The following VAV1 variants were observed in gnomAD, a reference collection of about 807,000 sequenced individuals.
VAV1 encodes vav guanine nucleotide exchange factor 1.
A neutral mutation model predicts 128.1 loss-of-function variants in VAV1; 33 were observed. That is an observed-to-expected ratio of 0.26 (90% CI 0.20 to 0.34). The LOEUF is 0.34. Among genes scored for constraint, VAV1 ranks in the 10% least tolerant of loss-of-function variants. VAV1 has a pLI of 1.00. For missense variants in VAV1, 715 were observed against 1,093.7 expected (o/e 0.65, Z 4.88); for synonymous variants, 394 against 409.8 (o/e 0.96, Z 0.47).
intron 19 of VAV1, 54 bp from the exon 20 acceptor site, chr19:6,836,378 C>A: frequency 6.4e-7 from 1 of 1,569,776 alleles, no homozygotes; most frequent in South Asian, 1.2e-5. Flanking sequence ...TGGCAAGATT[C>A]AGGGTTGAAA....
At chr19:6,829,656 G>A in intron 13 of VAV1, 130 bp from the exon 14 acceptor site, 1 of 1,372,000 alleles carries the variant, frequency 7.3e-7, no homozygotes. Context: ...GGATGGACAG[G>A]TGGGCATGGC....
Position 6,836,541 on chromosome 19 carries a change from G to A in VAV1, c.1887G>A (p.Lys629=), listed in dbSNP as rs1972225777. 1 of 1,614,076 alleles carries A rather than the reference G, an allele frequency of 6.2e-7. No homozygotes were observed. Among genetic ancestry groups the A allele is most frequent in the Admixed American group, 1.7e-5 (1 of 59,994 alleles). The change falls in exon 20 of 27, where the codon AAG becomes AAA. Residue 629 remains lysine (K), a synonymous_variant. Transcript: ENST00000602142. ...CTGGAGACATTGTGGAGCTCACGAA[G>A]GCTGAGGCTGAACAGAACTGGTGGG... ...LNPGDIVELT[K]AEAEQNWWEG... is the part of the protein sequence containing the mutation.
chr19:6,782,689 G>T (rs1481268137), intron 1 of VAV1, among the ~76,000 whole-genome samples: 2 of 152,066 alleles, frequency 1.3e-5, no homozygotes, highest in Non-Finnish European at 2.9e-5. Context: ...AGACTAGCTT[G>T]GGCAACATAC....
chr19:6,781,855 G>A (rs1228555273), intron 1 of VAV1, among the ~76,000 whole-genome samples: 6 of 151,894 alleles, frequency 4.0e-5, no homozygotes, highest in Admixed American at 2.6e-4. Flanking sequence ...TGATCCACCC[G>A]TCTTGGCCTC....
At chr19:6,783,045 T>C (rs8103617) in intron 1 of VAV1, among the ~76,000 whole-genome samples, 3,646 of 152,098 alleles carry the variant, frequency 0.024, 154 homozygotes, top group African/African-American at 0.082. Context: ...CCAGGCGTGG[T>C]GGTGTATGCC....
chr19:6,793,661 G>A (rs998393511), intron 1 of VAV1, among the ~76,000 whole-genome samples: 2 of 152,116 alleles, frequency 1.3e-5, no homozygotes, highest in Non-Finnish European at 2.9e-5. Context: ...ATAACATCAA[G>A]TTTGCTTTGA....
chr19:6,831,783 A>C (rs1972060847), intron 14 of VAV1, among the ~76,000 whole-genome samples: 2 of 152,028 alleles, frequency 1.3e-5, no homozygotes, highest in Admixed American at 1.3e-4. Context: ...GTGCTGCACC[A>C]ATGCTTTGTT....
chr19:6,805,021 G>A (rs1022720738), intron 1 of VAV1, among the ~76,000 whole-genome samples: 1 of 151,126 alleles, frequency 6.6e-6, no homozygotes. Context: ...GTGAGCCACC[G>A]CCCCCCGGCC....
At chr19:6,784,362 G>T in intron 1 of VAV1, 1 of 421,906 alleles carries the variant, frequency 2.4e-6, no homozygotes. Flanking sequence ...AGGGAGCTGG[G>T]TGATAGCAAC....
intron 1 of VAV1, among the ~76,000 whole-genome samples, chr19:6,802,781 C>T (rs1052701479): frequency 6.6e-6 from 1 of 152,190 alleles, no homozygotes. Context: ...ATCTGGTTCT[C>T]CATTCCTATC....
chr19:6,777,710 CG>C lies in VAV1; in HGVS notation c.204+4701del, dbSNP rs1203817757. Among the ~76,000 whole-genome samples, 6 of 152,246 alleles carry C rather than the reference CG, an allele frequency of 3.9e-5. No individual in the cohort carries two copies. The highest frequency in any genetic ancestry group is 1.4e-4 in the African/African-American group (6 of 41,552). ...AGGTCAGGTTGGATGAATCTCCAAG[CG>C]GCTGGTCCCCTTGAGATCTGAGGCC... On this transcript the variant is annotated intron_variant, in intron 1 of 26. Coordinates refer to ENST00000602142, the MANE Select transcript of VAV1 (RefSeq NM_005428.4). The surrounding 1 kb of genome is among the most constrained non-coding windows in gnomAD (Gnocchi z 4.4).
rs770661723 is a variant in VAV1, at chr19:6,822,195, G to A, written c.450-26G>A. On this transcript the variant is annotated intron_variant, in intron 4 of 26. Coordinates refer to ENST00000602142, the MANE Select transcript of VAV1 (RefSeq NM_005428.4). The surrounding 1 kb of genome is among the most constrained non-coding windows in gnomAD (Gnocchi z 5.9). ...CTGCTGTGATCTGGGAGAGGTCCAA[G>A]GGATCCCTGACCTCACAACCCACAG... 6.4e-7 allele frequency: 1 copy of A among 1,557,436 alleles called. No homozygotes were observed. The highest frequency in any genetic ancestry group is 2.2e-4 in the Middle Eastern group (1 of 4,644).
intron 1 of VAV1, among the ~76,000 whole-genome samples, chr19:6,790,103 AGGAGGT>A (rs1328774142): frequency 6.6e-6 from 1 of 152,176 alleles, no homozygotes; most frequent in Non-Finnish European, 1.5e-5. Context: ...ACTTAAGCCC[AGGAGGT>A]GGAGGTTGCA....
At chr19:6,809,086 T>TTG (rs1568296653) in intron 1 of VAV1, among the ~76,000 whole-genome samples, 1 of 148,016 alleles carries the variant, frequency 6.8e-6, no homozygotes, top group Non-Finnish European at 1.5e-5. Flanking sequence ...TCTTTTTTTT[T>TTG]TTTTTTTTTT....
chr19:6,806,067 G>A (rs904211422), intron 1 of VAV1, among the ~76,000 whole-genome samples: 3 of 152,030 alleles, frequency 2.0e-5, no homozygotes, highest in African/African-American at 7.2e-5. Context: ...GCCAAATGCA[G>A]CCTGCCACCT....
Position 6,825,458 on chromosome 19 carries a change from G to C in VAV1, c.827+52G>C, listed in dbSNP as rs1342207735. On this transcript the variant is annotated intron_variant, in intron 8 of 26. Transcript: ENST00000602142. The stretch of plus-strand genomic sequence containing the variant: ...CTCTGGGGTCACTCTGTCTTGCCTA[G>C]GCTGGGCATCTGAGAGACCTTACCC... 3 of 1,519,528 alleles carry C rather than the reference G, an allele frequency of 2.0e-6. No individual in the cohort carries two copies. The African/African-American group carries it at 4.1e-5, about 21-fold the overall frequency. The allele number at this position is 1,519,528 out of a possible 1,614,324, so 94.1% of individuals were successfully genotyped here. A position where few individuals can be genotyped will look rare whatever the true frequency, so the allele number is the denominator to read the frequency against.
chr19:6,852,815 C>T, intron 24 of VAV1, 150 bp from the exon 25 acceptor site: 1 of 559,388 alleles, frequency 1.8e-6, no homozygotes, highest in Admixed American at 3.0e-5. Context: ...GATGAACTCC[C>T]CATCATGGGG....
chr19:6,776,687 C>CCCAT (rs2144686352), intron 1 of VAV1, among the ~76,000 whole-genome samples: 1 of 149,294 alleles, frequency 6.7e-6, no homozygotes, highest in East Asian at 2.0e-4. Flanking sequence ...CACCCATCCA[C>CCCAT]CCACCCACCC....
rs1394097535 is a variant in VAV1, at chr19:6,854,200, G to T, written c.2484+102G>T. On this transcript the variant is annotated intron_variant, in intron 26 of 26. Coordinates refer to ENST00000602142, the MANE Select transcript of VAV1 (RefSeq NM_005428.4). ...GGAGAAGGTGAGGTGCGGCTCCCAT[G>T]GAGATCTCTCACGGTGGGAGGGAAG... is the stretch of plus-strand genomic sequence containing the variant. The T allele has an allele frequency of 9.6e-6, 14 of 1,459,138 alleles. No individual in the cohort carries two copies. In the East Asian group the frequency reaches 3.0e-4, roughly 31 times the overall value. 90.4% of individuals were successfully genotyped at this position (1,459,138 alleles called of 1,614,324 possible).
Sources: allele counts gnomAD v4.1 joint callset (sites outside exome capture counted in the v4.1 genomes callset), GRCh38; gene constraint gnomAD v4.1.1; non-coding constraint Gnocchi (gnomAD v3.1); transcripts MANE v1.5; gene names NCBI Gene and HGNC (gene_info 2026-07-23, HGNC 2026-07-21).